The following STPG2 variants were observed in gnomAD, a reference collection of about 807,000 sequenced individuals.
STPG2 encodes sperm-tail PG-rich repeat-containing protein 2.
Under a neutral mutation model 54.2 loss-of-function variants are expected in STPG2, and 56 were observed. That is an observed-to-expected ratio of 1.03 (90% CI 0.83 to 1.29). The LOEUF (loss-of-function observed/expected upper bound fraction) is 1.29. Ranked by LOEUF, STPG2 falls within the 50% of genes most tolerant of loss-of-function variation. The pLI is 0.00. For synonymous variants in STPG2, 200 were observed against 181.8 expected, an observed-to-expected ratio of 1.10 and a Z score of -0.81; for missense variants, 596 against 544.9, an observed-to-expected ratio of 1.09 and a Z score of -0.93.
chr4:97,722,956 C>G (rs577580733), intron 9 of STPG2, among the ~76,000 whole-genome samples: 1 of 145,060 alleles, frequency 6.9e-6, no homozygotes, highest in Non-Finnish European at 1.5e-5. Flanking sequence ...CACCACCACA[C>G]CCGGCTAATT....
chr4:97,963,567 A>T (rs1733976162), intron 7 of STPG2, among the ~76,000 whole-genome samples: 1 of 152,006 alleles, frequency 6.6e-6, no homozygotes, highest in African/African-American at 2.4e-5. Flanking sequence ...AAGCAGGAGG[A>T]TCACTTGAAC....
Position 98,090,042 on chromosome 4 carries a change from T to C in STPG2, c.612+15911A>G, listed in dbSNP as rs187074705. Among the ~76,000 whole-genome samples, 9 of 152,314 alleles carry C rather than the reference T, an allele frequency of 5.9e-5. No individual in the cohort carries two copies. In the East Asian group the frequency reaches 1.7e-3, roughly 29 times the overall value. On this transcript the variant is annotated intron_variant, in intron 5 of 10. Transcript: ENST00000295268. ...ATTATTTCTTTTGCTGTGCTGAAAC[T>C]TTTTAGTTTAATTGGGTCCCATTTA...
intron 9 of STPG2, among the ~76,000 whole-genome samples, chr4:97,740,164 C>T (rs554851271): frequency 4.8e-4 from 73 of 152,228 alleles, no homozygotes; most frequent in Middle Eastern, 3.4e-3. Context: ...AATTCAACAA[C>T]GCTTCATGCT....
At chr4:97,660,293 G>A (rs2148960729) in intron 10 of STPG2, among the ~76,000 whole-genome samples, 1 of 152,270 alleles carries the variant, frequency 6.6e-6, no homozygotes, top group African/African-American at 2.4e-5. Flanking sequence ...GAGCCACCGC[G>A]CCGGCCTGTA....
chr4:97,602,996 AT>A (rs1421377270), intron 10 of STPG2, among the ~76,000 whole-genome samples: 1 of 151,750 alleles, frequency 6.6e-6, no homozygotes, highest in African/African-American at 2.4e-5. Context: ...GTTTTAAAGC[AT>A]GCTTCAAAGA....
At chr4:97,495,115 T>A (rs1010172364) in intron 4 of STPG2, among the ~76,000 whole-genome samples, 16 of 151,680 alleles carry the variant, frequency 1.1e-4, no homozygotes, top group Non-Finnish European at 1.8e-4. Context: ...TATAGATATA[T>A]AATAAACATT....
intron 8 of STPG2, among the ~76,000 whole-genome samples, chr4:97,861,501 C>G (rs1252064182): frequency 6.6e-6 from 1 of 151,960 alleles, no homozygotes; most frequent in Non-Finnish European, 1.5e-5. Context: ...AGGTGTATAC[C>G]CATGTAACCA....
At chr4:97,460,884 G>C (rs771516555) in intron 4 of STPG2, among the ~76,000 whole-genome samples, 1 of 152,166 alleles carries the variant, frequency 6.6e-6, no homozygotes, top group African/African-American at 2.4e-5. Context: ...ATTTGCTCTT[G>C]AGTCTGGTTT....
At chr4:98,135,511 G>T (rs1740112236) in intron 1 of STPG2, among the ~76,000 whole-genome samples, 1 of 151,766 alleles carries the variant, frequency 6.6e-6, no homozygotes, top group African/African-American at 2.4e-5. Context: ...CATCTCTAAT[G>T]CCATAATGGA....
intron 5 of STPG2, among the ~76,000 whole-genome samples, chr4:98,039,817 A>AT (rs1736893503): frequency 6.6e-6 from 1 of 151,482 alleles, no homozygotes; most frequent in Admixed American, 6.6e-5. Context: ...TATATGATGT[A>AT]TTTTCCTTTG....
intron 4 of STPG2, among the ~76,000 whole-genome samples, chr4:97,458,593 G>A (rs111512002): frequency 0.017 from 2,595 of 152,132 alleles, 71 homozygotes; most frequent in African/African-American, 0.06. Flanking sequence ...TAATTCATAC[G>A]TTTGATTGAA....
In STPG2 at chr4:97,708,425, T is replaced by C. The variant is rs1302736405; in HGVS notation, c.1320+4274A>G. Among the ~76,000 whole-genome samples, 5 of 152,136 alleles carry C rather than the reference T, an allele frequency of 3.3e-5. No homozygotes were observed. The East Asian group carries it at 9.6e-4, about 29-fold the overall frequency. On this transcript the variant is annotated intron_variant, in intron 10 of 10. Transcript: ENST00000295268. Reference sequence around the variant, plus strand: ...CCAATGAAGTAAAGGGAAATATGGCTGGCACCACTCTTTGAGCAGATGAAG... The same window carrying C: ...CCAATGAAGTAAAGGGAAATATGGCCGGCACCACTCTTTGAGCAGATGAAG...
At chr4:97,592,177 T>A (rs1032038664) in intron 10 of STPG2, among the ~76,000 whole-genome samples, 1 of 152,072 alleles carries the variant, frequency 6.6e-6, no homozygotes, top group Non-Finnish European at 1.5e-5. Context: ...TAAAATTTTT[T>A]AATTACCATA....
At chr4:97,444,242 T>A (rs1729161994) in intron 4 of STPG2, among the ~76,000 whole-genome samples, 1 of 152,078 alleles carries the variant, frequency 6.6e-6, no homozygotes, top group South Asian at 2.1e-4. Context: ...TTTGAAAAGA[T>A]AATAGATGAG....
chr4:97,797,076 A>G lies in STPG2; in HGVS notation c.1204+43697T>C, dbSNP rs576714087. Among the ~76,000 whole-genome samples the G allele has an allele frequency of 2.6e-5, 4 of 152,316 alleles. No homozygotes were observed. The South Asian group carries it at 6.2e-4, about 24-fold the overall frequency. ...TTGCTGAAGTTGCTTATCAGCTTAA[A>G]GAGATTTTGAGCTGAGACAATGGGG... On this transcript the variant is annotated intron_variant, in intron 9 of 10. Coordinates refer to ENST00000295268, the MANE Select transcript of STPG2 (RefSeq NM_174952.3).
At chr4:97,818,439 T>C (rs775361985) in intron 9 of STPG2, among the ~76,000 whole-genome samples, 50 of 151,956 alleles carry the variant, frequency 3.3e-4, no homozygotes, top group Middle Eastern at 3.4e-3. Flanking sequence ...ATAAAAGTTG[T>C]GTGAATATGG....
At chr4:97,803,407 C>T (rs1414423262) in intron 9 of STPG2, among the ~76,000 whole-genome samples, 1 of 151,938 alleles carries the variant, frequency 6.6e-6, no homozygotes, top group Non-Finnish European at 1.5e-5. Flanking sequence ...TTTAAAAATC[C>T]CAATAAAACA....
chr4:97,570,934 A>T (rs568422329), intron 10 of STPG2, among the ~76,000 whole-genome samples: 2 of 152,246 alleles, frequency 1.3e-5, no homozygotes, highest in Non-Finnish European at 2.9e-5. Context: ...CTTTCGTTAC[A>T]GGGGTTCATT....
intron 8 of STPG2, among the ~76,000 whole-genome samples, chr4:97,861,679 C>T (rs1418715078): frequency 1.3e-5 from 2 of 152,012 alleles, no homozygotes; most frequent in African/African-American, 4.8e-5. Flanking sequence ...AGAGAAAGGT[C>T]GGGTTACCCA....
Sources: allele counts gnomAD v4.1 joint callset (sites outside exome capture counted in the v4.1 genomes callset), GRCh38; gene constraint gnomAD v4.1.1; transcripts MANE v1.5; gene names NCBI Gene and HGNC (gene_info 2026-07-23, HGNC 2026-07-21).